GALNT18: variants seen among roughly 807,000 people sequenced by gnomAD.
GALNT18 encodes the protein GalNAc-transferase 18.
Under a neutral mutation model 69.5 loss-of-function variants are expected in GALNT18, and 44 were observed. That is an observed-to-expected ratio of 0.63 (90% CI 0.50 to 0.81). The LOEUF (loss-of-function observed/expected upper bound fraction) is 0.81, where lower values mean the gene tolerates loss of function less well. Ranked by LOEUF, GALNT18 falls within the 40% of genes least tolerant of loss-of-function variation. The pLI is 0.00. For missense variants in GALNT18, 715 were observed against 810.0 expected, an observed-to-expected ratio of 0.88 and a Z score of 1.42; for synonymous variants, 364 against 318.2, an observed-to-expected ratio of 1.14 and a Z score of -1.53.
rs188139924 is a variant in GALNT18, at chr11:11,567,775, G to A, written c.235+53584C>T. On this transcript the variant is annotated intron_variant, in intron 1 of 10. Coordinates refer to ENST00000227756, the MANE Select transcript of GALNT18 (RefSeq NM_198516.3). ...CTTTCTCAATGTCTCCAAGACTTAG[G>A]ATCCAGAATTCTTAAAAAGTCTTTC... Among the ~76,000 whole-genome samples the A allele has an allele frequency of 3.1e-3, 468 of 152,310 alleles. 2 individuals carry two copies. The highest frequency in any genetic ancestry group is 4.9e-3 in the Non-Finnish European group (334 of 68,020).
At chr11:11,417,833 C>A (rs1208929415) in intron 3 of GALNT18, among the ~76,000 whole-genome samples, 1 of 152,218 alleles carries the variant, frequency 6.6e-6, no homozygotes, top group African/African-American at 2.4e-5. Flanking sequence ...GTGTAACCTG[C>A]AGCTTCTCTG....
rs142063535 is a variant in GALNT18, at chr11:11,591,159, C to CGTGTGTGTGTGTGTGTGT, written c.235+30182_235+30199dup. 6.7e-5 allele frequency among the ~76,000 whole-genome samples: 10 copies of CGTGTGTGTGTGTGTGTGT among 148,958 alleles called. No individual in the cohort carries two copies. Among genetic ancestry groups the CGTGTGTGTGTGTGTGTGT allele is most frequent in the African/African-American group, 2.2e-4 (9 of 40,236 alleles). ...TGCTGACTCTGTAGGCCTAGGCTAC[C>CGTGTGTGTGTGTGTGTGT]GTGTGTGTGTGTGTGTGTGTGTGTG... On this transcript the variant is annotated intron_variant, in intron 1 of 10. Transcript: ENST00000227756. The surrounding 1 kb of genome is among the most constrained non-coding windows in gnomAD (Gnocchi z 4.8).
chr11:11,318,264 G>A lies in GALNT18; in HGVS notation c.1512+8822C>T, dbSNP rs959011444. 2.0e-5 allele frequency among the ~76,000 whole-genome samples: 3 copies of A among 152,134 alleles called. No individual in the cohort carries two copies. Among genetic ancestry groups the A allele is most frequent in the African/African-American group, 7.2e-5 (3 of 41,428 alleles). Reference sequence around the variant, plus strand: ...TCATATGTTAAAGTCCTAACCCCCAGTACCTCATAATGTAATCTTATTTGG... The same window carrying A: ...TCATATGTTAAAGTCCTAACCCCCAATACCTCATAATGTAATCTTATTTGG... On this transcript the variant is annotated intron_variant, in intron 9 of 10. Transcript: ENST00000227756. This position sits in a 1 kb window ranked among gnomAD's most constrained non-coding sequence, Gnocchi z 5.1.
intron 10 of GALNT18, among the ~76,000 whole-genome samples, chr11:11,272,737 A>G (rs554918905): frequency 6.6e-6 from 1 of 150,862 alleles, no homozygotes; most frequent in Non-Finnish European, 1.5e-5. Context: ...CTGCCCACCC[A>G]TGCCCCACCT....
At chr11:11,370,894 T>C (rs1450799049) in intron 6 of GALNT18, among the ~76,000 whole-genome samples, 1 of 152,160 alleles carries the variant, frequency 6.6e-6, no homozygotes, top group Admixed American at 6.5e-5. Context: ...CAGCTCCTCG[T>C]GAAAAATATT....
chr11:11,284,607 T>A (rs139368711), intron 10 of GALNT18, among the ~76,000 whole-genome samples: 272 of 152,350 alleles, frequency 1.8e-3, no homozygotes, highest in Middle Eastern at 3.4e-3. Flanking sequence ...AAGGACGCTG[T>A]GTGTGTACTA....
chr11:11,574,451 C>G (rs1268671227), intron 1 of GALNT18, among the ~76,000 whole-genome samples: 4 of 152,170 alleles, frequency 2.6e-5, no homozygotes, highest in Non-Finnish European at 5.9e-5. Flanking sequence ...TAAGAACCTC[C>G]CTCAATTCTT....
intron 1 of GALNT18, among the ~76,000 whole-genome samples, chr11:11,567,055 CCT>C (rs1323403377): frequency 6.6e-6 from 1 of 152,156 alleles, no homozygotes. Flanking sequence ...GACATTCGGG[CCT>C]CAGAAGCTAT....
intron 5 of GALNT18, among the ~76,000 whole-genome samples, chr11:11,376,318 G>T (rs372174598): frequency 6.6e-6 from 1 of 152,148 alleles, no homozygotes; most frequent in African/African-American, 2.4e-5. Flanking sequence ...GGGGCCAGAG[G>T]TTTCATTGAG....
At chr11:11,446,515 C>T (rs1331550616) in intron 2 of GALNT18, among the ~76,000 whole-genome samples, 1 of 152,070 alleles carries the variant, frequency 6.6e-6, no homozygotes, top group East Asian at 1.9e-4. Context: ...GCTGCCCCCA[C>T]CAGACCAGCT....
In GALNT18 at chr11:11,459,232, C is replaced by T. The variant is rs1298576978; in HGVS notation, c.236-10296G>A. Among the ~76,000 whole-genome samples, 3 of 152,098 alleles carry T rather than the reference C, an allele frequency of 2.0e-5. No homozygotes were observed. Among genetic ancestry groups the T allele is most frequent in the African/African-American group, 7.2e-5 (3 of 41,404 alleles). ...CAAACATGAGCCGAAGGTCTTTTGCCAATGGTCCCCACAATTAGGCTTTCT... is the reference window on the plus strand; with the variant it reads ...CAAACATGAGCCGAAGGTCTTTTGCTAATGGTCCCCACAATTAGGCTTTCT... On this transcript the variant is annotated intron_variant, in intron 1 of 10. Transcript: ENST00000227756. The surrounding 1 kb of genome is among the most constrained non-coding windows in gnomAD (Gnocchi z 5.0).
At chr11:11,482,798 A>G (rs1172784212) in intron 1 of GALNT18, among the ~76,000 whole-genome samples, 3 of 152,208 alleles carry the variant, frequency 2.0e-5, no homozygotes, top group Non-Finnish European at 4.4e-5. Context: ...GGCACAGGGA[A>G]AACGGAAATA....
chr11:11,559,039 T>A (rs1328716900), intron 1 of GALNT18, among the ~76,000 whole-genome samples: 1 of 152,114 alleles, frequency 6.6e-6, no homozygotes, highest in Non-Finnish European at 1.5e-5. Flanking sequence ...GCTTCCTCAT[T>A]TGGAAAATGG....
intron 9 of GALNT18, among the ~76,000 whole-genome samples, chr11:11,293,924 T>TAACA (rs1849351894): frequency 7.0e-6 from 1 of 142,810 alleles, no homozygotes; most frequent in Non-Finnish European, 1.5e-5. Context: ...GGGAGATGTA[T>TAACA]AACAATTTCC....
rs377154415 is a variant in GALNT18, at chr11:11,586,969, C to T, written c.235+34390G>A. ...TGTCAAAGCACTCCAGCCTGGGGAA[C>T]AAGAGTGAAACCCCATCTCCAAATA... On this transcript the variant is annotated intron_variant, in intron 1 of 10. Coordinates refer to ENST00000227756, the MANE Select transcript of GALNT18 (RefSeq NM_198516.3). This position sits in a 1 kb window ranked among gnomAD's most constrained non-coding sequence, Gnocchi z 4.1. Among the ~76,000 whole-genome samples the T allele has an allele frequency of 6.6e-6, 1 of 152,036 alleles. No individual in the cohort carries two copies. Among genetic ancestry groups the T allele is most frequent in the African/African-American group, 2.4e-5 (1 of 41,348 alleles).
chr11:11,410,390 T>C (rs1438322417), intron 3 of GALNT18, among the ~76,000 whole-genome samples: 1 of 151,958 alleles, frequency 6.6e-6, no homozygotes, highest in African/African-American at 2.4e-5. Flanking sequence ...GGTCGGGGGA[T>C]TGAAGATTGT....
intron 1 of GALNT18, among the ~76,000 whole-genome samples, chr11:11,515,716 C>A (rs1857260031): frequency 6.6e-6 from 1 of 152,200 alleles, no homozygotes; most frequent in Non-Finnish European, 1.5e-5. Context: ...TAACCAAAGA[C>A]CTGAACACGG....
At chr11:11,303,577 G>A (rs1001154700) in intron 9 of GALNT18, among the ~76,000 whole-genome samples, 1 of 151,874 alleles carries the variant, frequency 6.6e-6, no homozygotes, top group African/African-American at 2.4e-5. Context: ...GCCCAAGCCT[G>A]TCACTGTACT....
In GALNT18 at chr11:11,448,945, A is replaced by C; in HGVS notation, c.236-9T>G. ...AGGCTTGGCAGGAGCCTCTGGAGAAAGAAGGAACAGGAGACAGTGGGTCAG... is the reference window on the plus strand; with the variant it reads ...AGGCTTGGCAGGAGCCTCTGGAGAACGAAGGAACAGGAGACAGTGGGTCAG... On this transcript the variant is annotated splice_polypyrimidine_tract_variant and intron_variant, in intron 1 of 10. Coordinates refer to ENST00000227756, the MANE Select transcript of GALNT18 (RefSeq NM_198516.3). The C allele has an allele frequency of 6.4e-7, 1 of 1,571,472 alleles. No individual in the cohort carries two copies. The highest frequency in any genetic ancestry group is 8.6e-7 in the Non-Finnish European group (1 of 1,159,908).
Sources: gnomAD v4.1 joint callset for allele counts (sites outside exome capture counted in the v4.1 genomes callset) on GRCh38, gnomAD v4.1.1 for gene constraint, Gnocchi (gnomAD v3.1) non-coding constraint, MANE v1.5 for transcripts, NCBI Gene and HGNC (gene_info 2026-07-23, HGNC 2026-07-21) for gene names.